Variants in ELMO1 observed in about 807,000 individuals in gnomAD.
ELMO1 encodes the protein engulfment and cell motility protein 1.
Under a neutral mutation model 98.9 loss-of-function variants are expected in ELMO1, and 26 were observed. The ratio of observed to expected loss-of-function variants is 0.26; its 90% confidence interval spans 0.19 to 0.36. The LOEUF (loss-of-function observed/expected upper bound fraction) is 0.36, where lower values mean the gene tolerates loss of function less well. ELMO1 is among the 10% of genes least tolerant of loss of function. ELMO1 has a pLI of 1.00. For synonymous variants in ELMO1, 346 were observed against 346.0 expected (o/e 1.00, Z 0.00); for missense variants, 627 against 935.2 (o/e 0.67, Z 4.30).
chr7:37,280,507 A>G (rs1214627052), intron 4 of ELMO1, among the ~76,000 whole-genome samples: 2 of 150,476 alleles, frequency 1.3e-5, no homozygotes, highest in Non-Finnish European at 3.0e-5. Context: ...AATCAGTAAG[A>G]AAAAAAAAAT....
At chr7:36,994,926 A>G (rs1792101198) in intron 16 of ELMO1, among the ~76,000 whole-genome samples, 1 of 152,194 alleles carries the variant, frequency 6.6e-6, no homozygotes, top group Admixed American at 6.5e-5. Context: ...ATTTCAAGGA[A>G]GAATAAACAA....
chr7:37,446,395 G>C (rs954979430), intron 1 of ELMO1, among the ~76,000 whole-genome samples: 3 of 152,170 alleles, frequency 2.0e-5, no homozygotes, highest in Non-Finnish European at 4.4e-5. Flanking sequence ...AACATAAGAG[G>C]CCCAGGGAGT....
intron 4 of ELMO1, among the ~76,000 whole-genome samples, chr7:37,290,608 A>C (rs1239706239): frequency 6.6e-6 from 1 of 152,218 alleles, no homozygotes; most frequent in Non-Finnish European, 1.5e-5. Flanking sequence ...ATCTTACTAA[A>C]TATACGTATA....
chr7:37,155,503 A>AACAAAAAAAAAAT (rs1554427527), intron 13 of ELMO1, among the ~76,000 whole-genome samples: 5 of 131,778 alleles, frequency 3.8e-5, no homozygotes, highest in African/African-American at 1.1e-4. Context: ...AAAAAAAAAA[A>AACAAAAAAAAAAT]AAAAAGCAGG....
At chr7:37,180,809 TGC>T (rs58814667) in intron 13 of ELMO1, among the ~76,000 whole-genome samples, 21,321 of 95,322 alleles carry the variant, frequency 0.22, 3,928 homozygotes, top group African/African-American at 0.47. Flanking sequence ...CACACACATA[TGC>T]GCACACACAC....
intron 4 of ELMO1, among the ~76,000 whole-genome samples, chr7:37,300,820 T>C (rs1020092120): frequency 7.2e-5 from 11 of 151,808 alleles, no homozygotes; most frequent in African/African-American, 1.9e-4. Context: ...TTTCTATTGA[T>C]TGGAATAGTT....
At chr7:37,253,633 G>A (rs1019291005) in intron 6 of ELMO1, among the ~76,000 whole-genome samples, 4 of 151,744 alleles carry the variant, frequency 2.6e-5, no homozygotes, top group African/African-American at 9.7e-5. Flanking sequence ...TGCAGATGAC[G>A]GGTTTTGGGT....
chr7:37,398,994 C>A (rs561873212), intron 1 of ELMO1, among the ~76,000 whole-genome samples: 1 of 152,182 alleles, frequency 6.6e-6, no homozygotes, highest in Non-Finnish European at 1.5e-5. Context: ...CCAATGCCTT[C>A]CTGGCACCTG....
chr7:37,297,986 A>G (rs943267748), intron 4 of ELMO1, among the ~76,000 whole-genome samples: 1 of 152,156 alleles, frequency 6.6e-6, no homozygotes, highest in African/African-American at 2.4e-5. Context: ...TCTCTAAGTA[A>G]TAGGATTTTG....
At position 37,018,771 on chromosome 7, in the gene ELMO1, A is replaced by C. The variant is rs188024152; in HGVS notation, c.1301-5336T>G. Among the ~76,000 whole-genome samples, 177 of 152,308 alleles carry C rather than the reference A, an allele frequency of 1.2e-3. 1 individual carries two copies. The highest frequency in any genetic ancestry group is 3.7e-3 in the East Asian group (19 of 5,176). The stretch of plus-strand genomic sequence containing the variant: ...CGATTACAGGCATAAGCCATCAGGC[A>C]CAGCTAGTTACTATTTGTAATCAAG... On this transcript the variant is annotated intron_variant, in intron 15 of 21. Transcript: ENST00000310758.
At chr7:37,040,085 G>C (rs1185827555) in intron 15 of ELMO1, among the ~76,000 whole-genome samples, 1 of 151,954 alleles carries the variant, frequency 6.6e-6, no homozygotes, top group Non-Finnish European at 1.5e-5. Flanking sequence ...ACTTGAAATG[G>C]GGCTAGTGTG....
chr7:37,180,148 G>A (rs1420422), intron 13 of ELMO1, among the ~76,000 whole-genome samples: 37,938 of 151,962 alleles, frequency 0.25, 6,106 homozygotes, highest in African/African-American at 0.46. Context: ...TATGATGCCC[G>A]AAACTAAAGG....
At chr7:37,154,074 T>A (rs1031382845) in intron 13 of ELMO1, among the ~76,000 whole-genome samples, 1 of 152,134 alleles carries the variant, frequency 6.6e-6, no homozygotes, top group African/African-American at 2.4e-5. Flanking sequence ...GAGGGGCCTG[T>A]CTGTTAGAAG....
intron 1 of ELMO1, among the ~76,000 whole-genome samples, chr7:37,407,158 T>C (rs1803805123): frequency 6.6e-6 from 1 of 152,092 alleles, no homozygotes; most frequent in Admixed American, 6.6e-5. Flanking sequence ...CAATGGTACA[T>C]CCACACAATG....
At chr7:37,360,545 A>C (rs907407625) in intron 1 of ELMO1, among the ~76,000 whole-genome samples, 6 of 152,156 alleles carry the variant, frequency 3.9e-5, no homozygotes, top group Admixed American at 3.9e-4. Context: ...CAGATGCATA[A>C]CTTTTTAGAG....
chr7:37,407,933 T>G (rs1048683025), intron 1 of ELMO1, among the ~76,000 whole-genome samples: 4 of 152,162 alleles, frequency 2.6e-5, no homozygotes, highest in Non-Finnish European at 5.9e-5. Context: ...TGTGCCCAAT[T>G]TTTCTGTAAA....
chr7:37,272,983 C>T (rs866500643), intron 4 of ELMO1, among the ~76,000 whole-genome samples: 6 of 152,162 alleles, frequency 3.9e-5, no homozygotes, highest in African/African-American at 7.2e-5. Flanking sequence ...GCACTAAATA[C>T]CCCCAAATTG....
At chr7:37,347,689 C>A (rs564626327) in intron 1 of ELMO1, among the ~76,000 whole-genome samples, 2 of 152,092 alleles carry the variant, frequency 1.3e-5, no homozygotes, top group African/African-American at 2.4e-5. Flanking sequence ...CCATGTAAAC[C>A]CTTTTTTTCC....
chr7:37,378,496 G>C (rs1186149958), intron 1 of ELMO1, among the ~76,000 whole-genome samples: 1 of 152,050 alleles, frequency 6.6e-6, no homozygotes, highest in Non-Finnish European at 1.5e-5. Flanking sequence ...ACCAAATCTG[G>C]ACTCTGATAA....
Sources: gnomAD v4.1 joint callset for allele counts (sites outside exome capture counted in the v4.1 genomes callset) on GRCh38, gnomAD v4.1.1 for gene constraint, MANE v1.5 for transcripts, NCBI Gene and HGNC (gene_info 2026-07-23, HGNC 2026-07-21) for gene names.